The following VMA12 variants were observed in gnomAD, a reference collection of about 807,000 sequenced individuals.
VMA12 encodes the protein vacuolar ATPase assembly factor VMA12.
the VMA12 span, chr17:28,357,778 C>T: frequency 5.6e-6 from 9 of 1,613,776 alleles, no homozygotes; most frequent in Non-Finnish European, 6.8e-6. Flanking sequence ...AGCTTGAGGC[C>T]GCGCTGGGGA....
chr17:28,363,379 G>C, the VMA12 span: 2 of 152,126 alleles, frequency 1.3e-5, no homozygotes, highest in African/African-American at 4.8e-5. Context: ...GCTGAAGCCT[G>C]GGTAATACCT....
At chr17:28,361,330 C>A in the VMA12 span, 3 of 1,421,736 alleles carry the variant, frequency 2.1e-6, no homozygotes, top group Admixed American at 1.7e-5. Context: ...TCAGTCAACC[C>A]ATCAGACTTT....
At chr17:28,361,157 C>T in the VMA12 span, 359 of 1,613,838 alleles carry the variant, frequency 2.2e-4, no homozygotes, top group Non-Finnish European at 2.8e-4. Context: ...CCATCTCCAG[C>T]GGGTGCTAGC....
the VMA12 span, chr17:28,359,238 C>T: frequency 1.0e-5 from 15 of 1,480,882 alleles, no homozygotes; most frequent in Admixed American, 2.1e-4. Context: ...AGTGCTTTAC[C>T]CCTGGAACCA....
At chr17:28,359,967 C>T in the VMA12 span, among the ~76,000 whole-genome samples, 3 of 151,494 alleles carry the variant, frequency 2.0e-5, no homozygotes, top group African/African-American at 4.9e-5. Context: ...GGCTTTTTTT[C>T]TTCTTCTTTT....
At chr17:28,362,372 C>T in the VMA12 span, 1 of 152,130 alleles carries the variant, frequency 6.6e-6, no homozygotes, top group African/African-American at 2.4e-5. Context: ...TGTTAAAAAG[C>T]TACACTGGGC....
chr17:28,362,951 T>A, the VMA12 span: 1 of 152,224 alleles, frequency 6.6e-6, no homozygotes, highest in Non-Finnish European at 1.5e-5. Context: ...GTCCAGGGAC[T>A]GCTTGGCAGG....
chr17:28,361,275 A>G, the VMA12 span: 1 of 1,611,924 alleles, frequency 6.2e-7, no homozygotes, highest in South Asian at 1.1e-5. Context: ...CATCAAGTCT[A>G]GAGAAGACTT....
the VMA12 span, chr17:28,363,505 A>G: frequency 6.6e-6 from 1 of 152,160 alleles, no homozygotes; most frequent in Non-Finnish European, 1.5e-5. Context: ...AACAATCCAG[A>G]TTAAGGTACA....
At chr17:28,359,471 G>C in the VMA12 span, 4 of 1,472,992 alleles carry the variant, frequency 2.7e-6, no homozygotes, top group Non-Finnish European at 3.8e-6. Flanking sequence ...AGTGGAAGAA[G>C]ATACAGAGTT....
chr17:28,360,743 T>C, the VMA12 span: 6 of 1,614,102 alleles, frequency 3.7e-6, no homozygotes, highest in South Asian at 2.2e-5. Context: ...AGTGAGATCA[T>C]TGAAGGCTCT....
chr17:28,358,507 A>C, the VMA12 span: 1 of 474,168 alleles, frequency 2.1e-6, no homozygotes. Flanking sequence ...CCAGAAGTGC[A>C]AAGGGTAGAC....
chr17:28,358,919 C>G, the VMA12 span: 3 of 1,608,230 alleles, frequency 1.9e-6, no homozygotes, highest in Non-Finnish European at 1.7e-6. Flanking sequence ...TTCTCAGATT[C>G]CAAACTATAC....
At chr17:28,359,173 C>T in the VMA12 span, 1 of 846,058 alleles carries the variant, frequency 1.2e-6, no homozygotes, top group African/African-American at 1.7e-5. Flanking sequence ...AAAAAAAAAA[C>T]AGTTTCAAAG....
chr17:28,359,206 TG>T, the VMA12 span: 1 of 1,194,170 alleles, frequency 8.4e-7, no homozygotes, highest in Non-Finnish European at 1.2e-6. Flanking sequence ...GACTAGTATG[TG>T]GGTCTCCTGA....
chr17:28,360,854 A>C, the VMA12 span: 1 of 1,612,604 alleles, frequency 6.2e-7, no homozygotes, highest in East Asian at 2.2e-5. Context: ...CTCGGTGAGT[A>C]GGCACTGGGC....
the VMA12 span, chr17:28,359,376 A>G: frequency 6.2e-7 from 1 of 1,614,102 alleles, no homozygotes; most frequent in Non-Finnish European, 8.5e-7. Context: ...GAGGAATATA[A>G]ACGGATCACC....
the VMA12 span, chr17:28,363,029 GT>G: frequency 6.6e-6 from 1 of 152,174 alleles, no homozygotes; most frequent in East Asian, 1.9e-4. Flanking sequence ...GGGAACTAGC[GT>G]TTACTGAGTT....
At chr17:28,359,388 G>A in the VMA12 span, 84 of 1,613,892 alleles carry the variant, frequency 5.2e-5, 1 homozygote, top group East Asian at 1.6e-4. Flanking sequence ...CGGATCACCC[G>A]CAACGTCACT....
Sources: allele counts gnomAD v4.1 joint callset (sites outside exome capture counted in the v4.1 genomes callset), GRCh38; gene constraint gnomAD v4.1.1; transcripts MANE v1.5; gene names NCBI Gene and HGNC (gene_info 2026-07-23, HGNC 2026-07-21).